DIRAS3: variants seen among roughly 807,000 people sequenced by gnomAD.
DIRAS3 encodes the protein DIRAS family GTPase 3.
For synonymous variants in DIRAS3, 133 were observed against 131.4 expected (o/e 1.01, Z -0.08); for missense variants, 248 against 300.6 (o/e 0.83, Z 1.29).
chr1:68,048,081 T>TATATATATAC (rs1645697978), intron 1 of DIRAS3, among the ~76,000 whole-genome samples: 1 of 109,264 alleles, frequency 9.2e-6, no homozygotes. Flanking sequence ...TATATATATA[T>TATATATATAC]ATGAACCTTT....
intron 1 of DIRAS3, among the ~76,000 whole-genome samples, chr1:68,047,781 T>A: frequency 6.7e-6 from 1 of 150,360 alleles, no homozygotes; most frequent in Admixed American, 6.6e-5. Flanking sequence ...AATGCCAAGG[T>A]GACATTTAGA....
intron 1 of DIRAS3, among the ~76,000 whole-genome samples, chr1:68,048,726 TG>T (rs1238206963): frequency 6.7e-6 from 1 of 148,366 alleles, no homozygotes; most frequent in Non-Finnish European, 1.5e-5. Flanking sequence ...AGAGTTTTGG[TG>T]GTGGTTTTTT....
rs1381937431 is a variant in DIRAS3 at position 68,046,415 on chromosome 1, T to G, written c.*193A>C. Reference sequence around the variant, plus strand: ...TTTTGTTCTCCTCTTCAAATGCCAATGTTTTAACAATTTGAATTCTCTGGC... The same window carrying G: ...TTTTGTTCTCCTCTTCAAATGCCAAGGTTTTAACAATTTGAATTCTCTGGC... On this transcript the variant is annotated 3_prime_UTR_variant, in exon 2 of 2. Coordinates refer to ENST00000646789, the MANE Select transcript of DIRAS3 (RefSeq NM_004675.5). 1.5e-5 allele frequency: 8 copies of G among 548,304 alleles called. No individual in the cohort carries two copies. The highest frequency in any genetic ancestry group is 2.5e-5 in the Non-Finnish European group (8 of 316,582). 34.0% of individuals were successfully genotyped at this position (548,304 alleles called of 1,614,324 possible).
chr1:68,048,039 AAAAAAAAAAAATATATATATATAT>A (rs1645692724), intron 1 of DIRAS3, among the ~76,000 whole-genome samples: 1 of 59,432 alleles, frequency 1.7e-5, no homozygotes, highest in African/African-American at 8.2e-5. Context: ...AAAAAAAAAA[AAAAAAAAAAAATATATATATATAT>A]ATATATATAT....
In DIRAS3 at chr1:68,046,574, A is replaced by AG; in HGVS notation, c.*33dup. On this transcript the variant is annotated 3_prime_UTR_variant, in exon 2 of 2. Transcript: ENST00000646789. ...TGAGTCCACGTTTTCTACACGCTAC[A>AG]GGATAGGAAGAGCTGGCTCTTAAGG... is the stretch of plus-strand genomic sequence containing the variant. 2 of 1,593,020 alleles carry AG rather than the reference A, an allele frequency of 1.3e-6. No homozygotes were observed. Among genetic ancestry groups the AG allele is most frequent in the Non-Finnish European group, 1.7e-6 (2 of 1,166,494 alleles).
At chr1:68,049,422 T>A (rs1645710748) in intron 1 of DIRAS3, 1 of 152,600 alleles carries the variant, frequency 6.6e-6, no homozygotes, top group Admixed American at 6.5e-5. Flanking sequence ...TGACCTTTAA[T>A]AGAATTTAGC....
In DIRAS3 at chr1:68,046,495, G is replaced by C. The variant is rs780567971; in HGVS notation, c.*113C>G. On this transcript the variant is annotated 3_prime_UTR_variant, in exon 2 of 2. Transcript: ENST00000646789. ...AGGTATACGTATTGACAACATGGAT[G>C]TTACAGTCCAAACAACAGCACAAAA... 2.9e-5 allele frequency: 29 copies of C among 987,508 alleles called. No homozygotes were observed. The highest frequency in any genetic ancestry group is 3.8e-5 in the Non-Finnish European group (25 of 663,850). 61.2% of individuals were successfully genotyped at this position (987,508 alleles called of 1,614,324 possible). A position where few individuals can be genotyped will look rare whatever the true frequency, so the allele number is the denominator to read the frequency against.
At position 68,046,471 on chromosome 1, in the gene DIRAS3, G is replaced by T; in HGVS notation, c.*137C>A. The T allele has an allele frequency of 1.3e-6, 1 of 766,554 alleles. No homozygotes were observed. Among genetic ancestry groups the T allele is most frequent in the Non-Finnish European group, 2.1e-6 (1 of 482,536 alleles). The allele number at this position is 766,554 out of a possible 1,614,324, so 47.5% of individuals were successfully genotyped here. Reference sequence around the variant, plus strand: ...AAAAAGAAAAGTTATCCACTTACAAGGTATACGTATTGACAACATGGATGT... The same window carrying T: ...AAAAAGAAAAGTTATCCACTTACAATGTATACGTATTGACAACATGGATGT... On this transcript the variant is annotated 3_prime_UTR_variant, in exon 2 of 2. Transcript: ENST00000646789.
At position 68,046,476 on chromosome 1, in the gene DIRAS3, A is replaced by G. The variant is rs1258596667; in HGVS notation, c.*132T>C. On this transcript the variant is annotated 3_prime_UTR_variant, in exon 2 of 2. Transcript: ENST00000646789. ...GAAAAGTTATCCACTTACAAGGTAT[A>G]CGTATTGACAACATGGATGTTACAG... 2.5e-6 allele frequency: 2 copies of G among 800,842 alleles called. No individual in the cohort carries two copies. Among genetic ancestry groups the G allele is most frequent in the Non-Finnish European group, 4.0e-6 (2 of 506,100 alleles). 49.6% of individuals were successfully genotyped at this position (800,842 alleles called of 1,614,324 possible).
rs1219527084 is a variant in DIRAS3 at position 68,047,205 on chromosome 1, G to A, written c.93C>T (p.Pro31=). ...CGCGGTAATCTCTGATCTTCCTGTG[G>A]GGCTTGAAGGCGCGGAGGATAAGCA... ...PALLILRAFK[P]HRKIRDYRVV... is the part of the protein sequence containing the mutation. Residue 31 remains proline (P), a synonymous_variant, in exon 2 of 2, where the codon CCC becomes CCT. Transcript: ENST00000646789. 1 of 1,614,010 alleles carries A rather than the reference G, an allele frequency of 6.2e-7. No homozygotes were observed. Among genetic ancestry groups the A allele is most frequent in the African/African-American group, 1.3e-5 (1 of 74,928 alleles).
In DIRAS3 at chr1:68,046,485, C is replaced by G. The variant is rs1338615201; in HGVS notation, c.*123G>C. The G allele has an allele frequency of 2.2e-6, 2 of 897,702 alleles. No homozygotes were observed. The highest frequency in any genetic ancestry group is 3.3e-5 in the African/African-American group (2 of 59,718). The allele number at this position is 897,702 out of a possible 1,614,324, so 55.6% of individuals were successfully genotyped here. ...TCCACTTACAAGGTATACGTATTGA[C>G]AACATGGATGTTACAGTCCAAACAA... On this transcript the variant is annotated 3_prime_UTR_variant, in exon 2 of 2. Coordinates refer to ENST00000646789, the MANE Select transcript of DIRAS3 (RefSeq NM_004675.5).
At position 68,046,437 on chromosome 1, in the gene DIRAS3, T is replaced by G; in HGVS notation, c.*171A>C. The G allele has an allele frequency of 3.3e-6, 2 of 603,984 alleles. No individual in the cohort carries two copies. Among genetic ancestry groups the G allele is most frequent in the Non-Finnish European group, 5.6e-6 (2 of 356,860 alleles). 37.4% of individuals were successfully genotyped at this position (603,984 alleles called of 1,614,324 possible). ...CAATGTTTTAACAATTTGAATTCTC[T>G]GGCCTGGGAAAAAGAAAAGTTATCC... On this transcript the variant is annotated 3_prime_UTR_variant, in exon 2 of 2. Coordinates refer to ENST00000646789, the MANE Select transcript of DIRAS3 (RefSeq NM_004675.5).
rs775120631 is a variant in DIRAS3, at chr1:68,046,673, GC to G, written c.624del (p.Glu208AspfsTer20). 19 of 1,614,064 alleles carry G rather than the reference GC, an allele frequency of 1.2e-5. No homozygotes were observed. In the African/African-American group the frequency reaches 2.0e-4, roughly 17 times the overall value. ...YKKKPTTGLQ[E>X]PEKKSQMPNT... ...TTGGGCATCTGGGATTTCTTCTCGG[GC>G]TCCTGGAGGCCGGTGGTGGGCTTTT... On this transcript the variant is annotated frameshift_variant, in exon 2 of 2. Coordinates refer to ENST00000646789, the MANE Select transcript of DIRAS3 (RefSeq NM_004675.5). LOFTEE classifies it low-confidence loss of function (END_TRUNC).
chr1:68,047,314 G>C lies in DIRAS3; in HGVS notation c.-17C>G, dbSNP rs199985753. On this transcript the variant is annotated 5_prime_UTR_variant, in exon 2 of 2. Transcript: ENST00000646789. Reference sequence around the variant, plus strand: ...GTTACCCATCGTTGGGATTCGGAGGGGAGATACGTGCACAAGTTCTCCCAC... The same window carrying C: ...GTTACCCATCGTTGGGATTCGGAGGCGAGATACGTGCACAAGTTCTCCCAC... 3.4e-5 allele frequency: 55 copies of C among 1,607,286 alleles called. No homozygotes were observed. The East Asian group carries it at 1.1e-3, about 33-fold the overall frequency.
chr1:68,048,049 A>AAAAAAAAT (rs1553173941), intron 1 of DIRAS3, among the ~76,000 whole-genome samples: 1 of 7,270 alleles, frequency 1.4e-4, no homozygotes, highest in Non-Finnish European at 2.5e-4. Flanking sequence ...AAAAAAAAAA[A>AAAAAAAAT]ATATATATAT....
At chr1:68,049,887 A>AAG (rs372849053) in intron 1 of DIRAS3, 47 of 152,216 alleles carry the variant, frequency 3.1e-4, no homozygotes, top group African/African-American at 1.0e-3. Context: ...ATAAAAGAAA[A>AAG]AAAATTGGTA....
Position 68,047,223 on chromosome 1 carries a change from G to A in DIRAS3, c.75C>T (p.Ile25=). The A allele has an allele frequency of 6.2e-7, 1 of 1,613,870 alleles. No homozygotes were observed. The highest frequency in any genetic ancestry group is 8.5e-7 in the Non-Finnish European group (1 of 1,180,046). ...KRLRLLPALL[I]LRAFKPHRKI... Reference sequence around the variant, plus strand: ...TCCTGTGGGGCTTGAAGGCGCGGAGGATAAGCAGGGCGGGCAGAAGCCGCA... The same window carrying A: ...TCCTGTGGGGCTTGAAGGCGCGGAGAATAAGCAGGGCGGGCAGAAGCCGCA... The change falls in exon 2 of 2, where the codon ATC becomes ATT. Residue 25 remains isoleucine (I), a synonymous_variant. Coordinates refer to ENST00000646789, the MANE Select transcript of DIRAS3 (RefSeq NM_004675.5).
At chr1:68,048,019 TAAAAAAAAAAAAA>T (rs869307311) in intron 1 of DIRAS3, among the ~76,000 whole-genome samples, 1 of 10,934 alleles carries the variant, frequency 9.1e-5, no homozygotes, top group Non-Finnish European at 1.5e-4. Context: ...GACAGTGGAG[TAAAAAAAAAAAAA>T]AAAAAAAAAA....
At position 68,050,217 on chromosome 1, in the gene DIRAS3, C is replaced by T. The variant is rs558811616; in HGVS notation, c.-66+331G>A. 2.5e-4 allele frequency among the ~76,000 whole-genome samples: 38 copies of T among 152,344 alleles called. No homozygotes were observed. The highest frequency in any genetic ancestry group is 7.9e-4 in the African/African-American group (33 of 41,582). On this transcript the variant is annotated intron_variant, in intron 1 of 1. Coordinates refer to ENST00000646789, the MANE Select transcript of DIRAS3 (RefSeq NM_004675.5). This position sits in a 1 kb window ranked among gnomAD's most constrained non-coding sequence, Gnocchi z 4.5. Reference sequence around the variant, plus strand: ...CCATTTCAATCTTACTTTCACACTACATGACTCCACTATTACTTCCTGAAC... The same window carrying T: ...CCATTTCAATCTTACTTTCACACTATATGACTCCACTATTACTTCCTGAAC...
Sources: allele counts gnomAD v4.1 joint callset (sites outside exome capture counted in the v4.1 genomes callset), GRCh38; gene constraint gnomAD v4.1.1; non-coding constraint Gnocchi (gnomAD v3.1); transcripts MANE v1.5; gene names NCBI Gene and HGNC (gene_info 2026-07-23, HGNC 2026-07-21).